The following PCSK4 variants were observed in gnomAD, a reference collection of about 807,000 sequenced individuals.
The protein encoded by PCSK4 is proprotein convertase subtilisin/kexin type 4.
In PCSK4, 64 loss-of-function variants were observed where a neutral mutation model predicts 80.3. The observed-to-expected ratio is 0.80, with a 90% CI of 0.65 to 0.98. The LOEUF is 0.98. PCSK4 is among the 50% of genes least tolerant of loss of function. The probability of loss-of-function intolerance (pLI) is 0.00; values close to 1 mark genes in which losing one functional copy is unlikely to be tolerated. For missense variants in PCSK4, 1,213 were observed against 1,093.6 expected (o/e 1.11, Z -1.54); for synonymous variants, 561 against 487.6 (o/e 1.15, Z -1.98).
Position 1,487,775 on chromosome 19 carries a change from C to G in PCSK4, c.593+10G>C. ...GGGCTTCCCCCGTGTGCTGTGGGAG[C>G]CCTGCTCACCGGTTCTCTTTGCTGG... On this transcript the variant is annotated intron_variant, in intron 5 of 14. Transcript: ENST00000300954. 1 of 1,567,514 alleles carries G rather than the reference C, an allele frequency of 6.4e-7. No homozygotes were observed. The highest frequency in any genetic ancestry group is 1.2e-5 in the South Asian group (1 of 86,204).
chr19:1,485,961 T>TTTTTGTTTTGTTTTG (rs75510508), intron 8 of PCSK4, among the ~76,000 whole-genome samples: 1 of 150,560 alleles, frequency 6.6e-6, no homozygotes, highest in Admixed American at 6.6e-5. Flanking sequence ...GCTGGATTTG[T>TTTTTGTTTTGTTTTG]TTTTGTTTTG....
chr19:1,490,358 G>GGGAGCGGGGCC lies in PCSK4; in HGVS notation c.-23_-13dup. ...GGGGCGGGCCGCATGGAGGCGGGGCGGGAGCGGGGCCTGCGCAAATCCCCT... is the reference window on the plus strand; with the variant it reads ...GGGGCGGGCCGCATGGAGGCGGGGCGGGAGCGGGGCCGGAGCGGGGCCTGCGCAAATCCCCT... On this transcript the variant is annotated 5_prime_UTR_variant, in exon 1 of 15. Transcript: ENST00000300954. 1.9e-6 allele frequency: 2 copies of GGGAGCGGGGCC among 1,069,248 alleles called. No homozygotes were observed. Among genetic ancestry groups the GGGAGCGGGGCC allele is most frequent in the South Asian group, 1.6e-5 (1 of 62,276 alleles). 66.2% of individuals were successfully genotyped at this position (1,069,248 alleles called of 1,614,324 possible).
In PCSK4 at chr19:1,482,879, C is replaced by G. The variant is rs944585598; in HGVS notation, c.1696+17G>C. The stretch of plus-strand genomic sequence containing the variant: ...GAGAGCCAAGCCCCGCCCACCACAG[C>G]CCCGCCCCGCCCTCACCCGTGTTGA... On this transcript the variant is annotated intron_variant, in intron 13 of 14. Transcript: ENST00000300954. 3 of 1,609,612 alleles carry G rather than the reference C, an allele frequency of 1.9e-6. No homozygotes were observed. The highest frequency in any genetic ancestry group is 3.3e-5 in the Admixed American group (2 of 59,908).
chr19:1,487,342 C>T (rs546193752), intron 6 of PCSK4, 29 bp from the exon 7 acceptor site: 1 of 1,527,138 alleles, frequency 6.5e-7, no homozygotes, highest in Non-Finnish European at 8.9e-7. Flanking sequence ...AGGGCCGCTG[C>T]CACCGGCCCT....
At chr19:1,486,898 G>T (rs757097897) in exon 8 of PCSK4, 33 of 1,601,186 alleles carry the variant, frequency 2.1e-5, no homozygotes, top group African/African-American at 5.3e-5. Flanking sequence ...TGGTGGTGAG[G>T]GTGGAGGCGC....
At chr19:1,483,974 G>C in intron 9 of PCSK4, 33 bp from the exon 10 acceptor site, 1 of 1,441,964 alleles carries the variant, frequency 6.9e-7, no homozygotes, top group Non-Finnish European at 9.2e-7. Flanking sequence ...CGGGTGAGCC[G>C]CCGGGCCGCG....
exon 9 of PCSK4, chr19:1,484,047 G>A: frequency 6.4e-7 from 1 of 1,554,478 alleles, no homozygotes; most frequent in Non-Finnish European, 8.7e-7. Context: ...GCGCTAGGGC[G>A]ATCATGCCGG....
At chr19:1,484,807 C>A (rs1000646947) in intron 8 of PCSK4, among the ~76,000 whole-genome samples, 2 of 151,286 alleles carry the variant, frequency 1.3e-5, no homozygotes, top group Non-Finnish European at 2.9e-5. Context: ...GGCAAGACTC[C>A]ATCTCAAAAA....
chr19:1,490,339 G>A (rs1481816680), exon 1 of PCSK4: 6 of 1,278,952 alleles, frequency 4.7e-6, no homozygotes, highest in Non-Finnish European at 6.4e-6. Flanking sequence ...AATCGGGGCG[G>A]GCCGCATGGA....
intron 13 of PCSK4, 144 bp from the exon 14 acceptor site, chr19:1,482,619 T>A (rs998750289): frequency 2.8e-6 from 3 of 1,066,140 alleles, no homozygotes; most frequent in Non-Finnish European, 4.0e-6. Context: ...ACACCTACTG[T>A]GCGCCTGTCA....
At chr19:1,483,106 A>T in intron 12 of PCSK4, 86 bp from the exon 13 acceptor site, 1 of 1,347,202 alleles carries the variant, frequency 7.4e-7, no homozygotes, top group East Asian at 2.5e-5. Flanking sequence ...GTCTGACCGC[A>T]CGCGCTGGTG....
chr19:1,490,275 C>G (rs760919000), exon 1 of PCSK4: 6 of 1,601,548 alleles, frequency 3.7e-6, no homozygotes, highest in Non-Finnish European at 4.3e-6. Flanking sequence ...GGGCCCACCC[C>G]ACAGCCCGGG....
At chr19:1,483,838 C>T in exon 10 of PCSK4, 4 of 1,492,472 alleles carry the variant, frequency 2.7e-6, no homozygotes, top group Non-Finnish European at 3.5e-6. Flanking sequence ...CCCGCCGCAC[C>T]TTGGCGCCCC....
In PCSK4 at chr19:1,483,778, G is replaced by A. The variant is rs989810264; in HGVS notation, c.1274-11C>T. 1.2e-5 allele frequency: 19 copies of A among 1,570,438 alleles called. No homozygotes were observed. Among genetic ancestry groups the A allele is most frequent in the Non-Finnish European group, 1.6e-5 (19 of 1,166,864 alleles). On this transcript the variant is annotated splice_polypyrimidine_tract_variant and intron_variant, in intron 10 of 14. Transcript: ENST00000300954. ...CGTAGTGATGGCTCACTGCGCGGAAGGGCAGCAGTCACTCGCCCCGTGGGC... is the reference window on the plus strand; with the variant it reads ...CGTAGTGATGGCTCACTGCGCGGAAAGGCAGCAGTCACTCGCCCCGTGGGC...
intron 8 of PCSK4, among the ~76,000 whole-genome samples, chr19:1,485,496 C>A (rs184118718): frequency 1.3e-5 from 2 of 152,088 alleles, no homozygotes; most frequent in African/African-American, 4.8e-5. Context: ...GCCCGGCAGG[C>A]GTAGGTTGCA....
At chr19:1,489,949 A>C (rs766520987) in intron 1 of PCSK4, 52 bp from the exon 2 acceptor site, 101 of 1,557,994 alleles carry the variant, frequency 6.5e-5, no homozygotes, top group Non-Finnish European at 8.7e-7. Context: ...CCCCTGCTGA[A>C]GCCCCCGAGG....
At chr19:1,489,195 G>C (rs977941949) in intron 2 of PCSK4, among the ~76,000 whole-genome samples, 2 of 148,546 alleles carry the variant, frequency 1.3e-5, no homozygotes, top group African/African-American at 5.0e-5. Context: ...GCAATGGCGC[G>C]ATCTCGGCTC....
chr19:1,483,620 G>A (rs552760888), intron 11 of PCSK4, 30 bp downstream of exon 11: 163 of 1,527,384 alleles, frequency 1.1e-4, no homozygotes, highest in Admixed American at 2.0e-4. Flanking sequence ...CCCCCAGCGG[G>A]GATAGCGGAG....
rs202047165 is a variant in PCSK4, at chr19:1,483,429, C to A, written c.1426G>T (p.Val476Leu). 5.0e-4 allele frequency: 801 copies of A among 1,599,028 alleles called. 2 individuals carry two copies. The highest frequency in any genetic ancestry group is 2.2e-4 in the Non-Finnish European group (258 of 1,178,510). The change falls in exon 12 of 15, where the codon GTA (valine) becomes TTA (leucine). Residue 476 changes from valine (V) to leucine (L), a missense_variant. Transcript: ENST00000300954. ...TTGTGGAGGCCGGCGCAGGCCGATA[C>A]GTTTTCCCTGATGTAGATCAGCGGC...
Sources: gnomAD v4.1 joint callset for allele counts (sites outside exome capture counted in the v4.1 genomes callset) on GRCh38, gnomAD v4.1.1 for gene constraint, MANE v1.5 for transcripts, NCBI Gene and HGNC (gene_info 2026-07-23, HGNC 2026-07-21) for gene names.